The following CCSER1 variants were observed in gnomAD, a reference collection of about 807,000 sequenced individuals.
The protein encoded by CCSER1 is serine-rich coiled-coil domain-containing protein 1.
CCSER1 carries 41 observed loss-of-function variants against 82.0 expected under a neutral mutation model. That is an observed-to-expected ratio of 0.50 (90% CI 0.39 to 0.65). The LOEUF is 0.65. Among genes scored for constraint, CCSER1 ranks in the 30% least tolerant of loss-of-function variants. The pLI, the probability that CCSER1 is intolerant of heterozygous loss-of-function variation, is 0.00. For synonymous variants in CCSER1, 414 were observed against 383.9 expected (o/e 1.08, Z -0.92); for missense variants, 1,119 against 1,064.2 (o/e 1.05, Z -0.72).
At chr4:90,263,867 A>G (rs1724773977) in intron 1 of CCSER1, among the ~76,000 whole-genome samples, 1 of 152,112 alleles carries the variant, frequency 6.6e-6, no homozygotes, top group Non-Finnish European at 1.5e-5. Flanking sequence ...TGTGCAGCAG[A>G]CTATTATACT....
intron 9 of CCSER1, among the ~76,000 whole-genome samples, chr4:91,056,876 C>T (rs1423899487): frequency 2.0e-5 from 3 of 152,112 alleles, no homozygotes; most frequent in Non-Finnish European, 4.4e-5. Context: ...ATTTCTTTCA[C>T]ATATGTAGTT....
At chr4:91,396,584 A>T (rs1751992278) in intron 10 of CCSER1, among the ~76,000 whole-genome samples, 1 of 152,102 alleles carries the variant, frequency 6.6e-6, no homozygotes. Flanking sequence ...AACAATAATG[A>T]TGCGGGCAGT....
Position 91,597,162 on chromosome 4 carries a change from T to G in CCSER1, c.2218-1410T>G, listed in dbSNP as rs139361008. Among the ~76,000 whole-genome samples the G allele has an allele frequency of 4.3e-3, 652 of 152,154 alleles. 2 individuals carry two copies. Among genetic ancestry groups the G allele is most frequent in the Non-Finnish European group, 7.8e-3 (527 of 67,946 alleles). ...CTGGTAGATAATCAAGCAGACGGCC[T>G]GTCCTACACTAGCTTAGGATAAAAT... On this transcript the variant is annotated intron_variant, in intron 10 of 10. Transcript: ENST00000509176.
At chr4:90,181,257 C>T (rs1406444286) in intron 1 of CCSER1, among the ~76,000 whole-genome samples, 1 of 152,066 alleles carries the variant, frequency 6.6e-6, no homozygotes, top group Non-Finnish European at 1.5e-5. Context: ...ACAAAGTAAG[C>T]ATTTGATAAT....
At chr4:91,366,034 G>A (rs1459351172) in intron 10 of CCSER1, among the ~76,000 whole-genome samples, 2 of 152,040 alleles carry the variant, frequency 1.3e-5, no homozygotes, top group Non-Finnish European at 2.9e-5. Flanking sequence ...GGGGGTAGGG[G>A]TGAGATGGAG....
chr4:91,081,519 C>T (rs1722740176), intron 9 of CCSER1, among the ~76,000 whole-genome samples: 1 of 152,166 alleles, frequency 6.6e-6, no homozygotes, highest in African/African-American at 2.4e-5. Flanking sequence ...GGGATGCCCT[C>T]TCTCACCACT....
intron 5 of CCSER1, among the ~76,000 whole-genome samples, chr4:90,499,068 T>TA (rs932110133): frequency 4.9e-4 from 74 of 152,104 alleles, no homozygotes; most frequent in African/African-American, 1.6e-3. Context: ...CCTATGTTTC[T>TA]AAAAATAGTT....
intron 1 of CCSER1, among the ~76,000 whole-genome samples, chr4:90,170,731 A>G (rs562427616): frequency 1.3e-5 from 2 of 151,926 alleles, no homozygotes; most frequent in Non-Finnish European, 2.9e-5. Flanking sequence ...ATAGTATTCC[A>G]TTGTATATAT....
chr4:91,395,765 A>C, intron 10 of CCSER1, among the ~76,000 whole-genome samples: 1 of 152,044 alleles, frequency 6.6e-6, no homozygotes, highest in East Asian at 1.9e-4. Context: ...AGAAAGAAAA[A>C]AAAATTCCCT....
intron 1 of CCSER1, among the ~76,000 whole-genome samples, chr4:90,300,587 G>C (rs1208733474): frequency 6.6e-6 from 1 of 152,154 alleles, no homozygotes; most frequent in Non-Finnish European, 1.5e-5. Flanking sequence ...GAGACCAGGT[G>C]TCATGTCATT....
At chr4:90,628,369 A>G (rs1723719267) in intron 6 of CCSER1, 137 bp downstream of exon 6, 2 of 636,966 alleles carry the variant, frequency 3.1e-6, no homozygotes, top group Non-Finnish European at 5.5e-6. Context: ...GAGCTTAGCT[A>G]TTTTCATATG....
chr4:90,911,113 T>C, intron 8 of CCSER1: 1 of 356,764 alleles, frequency 2.8e-6, no homozygotes, highest in Non-Finnish European at 5.4e-6. Flanking sequence ...CCAGCCTGTG[T>C]TCTTATTTAA....
intron 8 of CCSER1, among the ~76,000 whole-genome samples, chr4:90,834,179 A>C (rs774773717): frequency 6.6e-6 from 1 of 152,226 alleles, no homozygotes; most frequent in African/African-American, 2.4e-5. Context: ...AGATTCCAGC[A>C]ATCAGCCCTC....
In CCSER1 at chr4:91,477,589, T is replaced by C. The variant is rs146209085; in HGVS notation, c.2218-120983T>C. ...TAGCCTATAATCTAATTTTCAAAAG[T>C]AGTTTTCAAGTACTTTTTCACATGT... On this transcript the variant is annotated intron_variant, in intron 10 of 10. Coordinates refer to ENST00000509176, the MANE Select transcript of CCSER1 (RefSeq NM_001145065.2). Among the ~76,000 whole-genome samples the C allele has an allele frequency of 1.0e-2, 1,515 of 151,886 alleles. 11 individuals are homozygous for C. Among genetic ancestry groups the C allele is most frequent in the Middle Eastern group, 0.02 (6 of 294 alleles).
At chr4:91,177,984 G>A (rs141580396) in intron 10 of CCSER1, among the ~76,000 whole-genome samples, 29,430 of 152,046 alleles carry the variant, frequency 0.19, 3,130 homozygotes, top group Non-Finnish European at 0.23. Flanking sequence ...CGCTTTAAAT[G>A]TGTCCCAGAG....
intron 6 of CCSER1, among the ~76,000 whole-genome samples, chr4:90,697,663 A>G (rs553219991): frequency 3.4e-4 from 52 of 152,302 alleles, no homozygotes; most frequent in Non-Finnish European, 6.9e-4. Context: ...TCCAACCCTC[A>G]TTCATTTAAC....
intron 9 of CCSER1, among the ~76,000 whole-genome samples, chr4:91,019,632 T>C (rs13112016): frequency 0.15 from 22,198 of 152,150 alleles, 2,192 homozygotes; most frequent in African/African-American, 0.28. Flanking sequence ...AGCAGATTTG[T>C]ATCTGTTGCT....
chr4:90,889,190 C>T (rs1164598091), intron 8 of CCSER1, among the ~76,000 whole-genome samples: 1 of 152,168 alleles, frequency 6.6e-6, no homozygotes, highest in Non-Finnish European at 1.5e-5. Context: ...AATTCATACA[C>T]TGAATTCCAC....
intron 4 of CCSER1, among the ~76,000 whole-genome samples, chr4:90,462,674 G>T (rs916880270): frequency 6.6e-6 from 1 of 152,138 alleles, no homozygotes; most frequent in Admixed American, 6.5e-5. Context: ...ACTTTGAGGG[G>T]TAGTGCATCA....
Sources: gnomAD v4.1 joint callset for allele counts (sites outside exome capture counted in the v4.1 genomes callset) on GRCh38, gnomAD v4.1.1 for gene constraint, MANE v1.5 for transcripts, NCBI Gene and HGNC (gene_info 2026-07-23, HGNC 2026-07-21) for gene names.